TDG: variants seen among roughly 807,000 people sequenced by gnomAD.
TDG encodes the protein thymine DNA glycosylase.
Under a neutral mutation model 46.1 loss-of-function variants are expected in TDG, and 23 were observed. The observed-to-expected ratio is 0.50, with a 90% CI of 0.36 to 0.71. The LOEUF is 0.71. TDG is among the 30% of genes least tolerant of loss of function. TDG has a pLI of 0.00. For synonymous variants in TDG, 115 were observed against 161.3 expected, an observed-to-expected ratio of 0.71 and a Z score of 2.18; for missense variants, 304 against 486.7, an observed-to-expected ratio of 0.62 and a Z score of 3.53.
rs1227625061 is a variant in TDG, at chr12:103,966,133, G to T, written c.23+73G>T. On this transcript the variant is annotated intron_variant, in intron 1 of 9. Transcript: ENST00000392872. The stretch of plus-strand genomic sequence containing the variant: ...GGCAGGCTGGCTGGCGCGCGCGCGC[G>T]CACGCAGGGGTCTTTTAAATCCCGG... 5.0e-6 allele frequency: 7 copies of T among 1,404,288 alleles called. No homozygotes were observed. In the African/African-American group the frequency reaches 7.6e-5, roughly 15 times the overall value. 87.0% of individuals were successfully genotyped at this position (1,404,288 alleles called of 1,614,324 possible). A position where few individuals can be genotyped will look rare whatever the true frequency, so the allele number is the denominator to read the frequency against.
chr12:103,974,163 C>G (rs1434181663), intron 1 of TDG, among the ~76,000 whole-genome samples: 2 of 151,986 alleles, frequency 1.3e-5, no homozygotes, highest in African/African-American at 4.8e-5. Context: ...TTAAGCTTAT[C>G]CAGGAAATGC....
intron 1 of TDG, among the ~76,000 whole-genome samples, chr12:103,972,339 G>A (rs967551704): frequency 5.3e-5 from 8 of 152,106 alleles, no homozygotes; most frequent in African/African-American, 1.9e-4. Flanking sequence ...GGCCGGTCTC[G>A]AACTCCTAAC....
intron 1 of TDG, among the ~76,000 whole-genome samples, chr12:103,966,796 G>GA (rs1251308645): frequency 6.6e-6 from 1 of 152,008 alleles, no homozygotes; most frequent in East Asian, 1.9e-4. Context: ...AAATTAAAAG[G>GA]AAAAAAACCT....
intron 4 of TDG, 49 bp downstream of exon 4, chr12:103,981,011 G>C (rs1323765162): frequency 6.6e-7 from 1 of 1,526,222 alleles, no homozygotes; most frequent in African/African-American, 1.4e-5. Flanking sequence ...AGGTATCTTT[G>C]TTAACAGGTT....
At chr12:103,979,622 G>A (rs1871720444) in intron 2 of TDG, among the ~76,000 whole-genome samples, 1 of 152,118 alleles carries the variant, frequency 6.6e-6, no homozygotes, top group South Asian at 2.1e-4. Context: ...AGCTAGCAGG[G>A]GAAGGAGAGT....
chr12:103,966,129 G>GCGCGCA (rs1871002257), intron 1 of TDG, 69 bp downstream of exon 1: 7 of 1,418,202 alleles, frequency 4.9e-6, no homozygotes, highest in Admixed American at 3.0e-5. Context: ...TGGCGCGCGC[G>GCGCGCA]CGCGCACGCA....
chr12:103,980,372 A>T (rs1228219195), intron 3 of TDG: 1 of 327,800 alleles, frequency 3.1e-6, no homozygotes, highest in South Asian at 4.3e-5. Context: ...ACCCCCCGAT[A>T]GGGTTGCAAG....
intron 9 of TDG, chr12:103,986,229 A>G (rs1872151491): frequency 6.6e-6 from 1 of 152,090 alleles, no homozygotes; most frequent in Admixed American, 6.6e-5. Flanking sequence ...CCTACAGTGC[A>G]TTTTCTTTAA....
chr12:103,966,271 C>T (rs1871017641), intron 1 of TDG, among the ~76,000 whole-genome samples: 1 of 152,134 alleles, frequency 6.6e-6, no homozygotes. Flanking sequence ...TTACCTGGTG[C>T]ACCTGGACCC....
At chr12:103,973,158 C>T (rs1036284350) in intron 1 of TDG, 2 of 623,478 alleles carry the variant, frequency 3.2e-6, no homozygotes, top group African/African-American at 2.0e-5. Flanking sequence ...CATCTCGGCT[C>T]ACCACAACCT....
At chr12:103,980,812 T>C in intron 3 of TDG, 81 bp from the exon 4 acceptor site, 1 of 1,231,092 alleles carries the variant, frequency 8.1e-7, no homozygotes, top group East Asian at 2.3e-5. Flanking sequence ...CAACTCAATT[T>C]TGTCCACCAC....
intron 2 of TDG, among the ~76,000 whole-genome samples, chr12:103,978,262 A>G (rs1593513122): frequency 6.6e-6 from 1 of 151,918 alleles, no homozygotes; most frequent in South Asian, 2.1e-4. Flanking sequence ...GCATGGCAGG[A>G]TAGTGGGGGA....
chr12:103,981,073 ATTCGTGT>A, intron 4 of TDG, 111 bp downstream of exon 4: 1 of 891,316 alleles, frequency 1.1e-6, no homozygotes, highest in South Asian at 1.6e-5. Flanking sequence ...GTAAATACAC[ATTCGTGT>A]TTCATGTTCT....
In TDG at chr12:103,985,525, G is replaced by C. The variant is rs553293939; in HGVS notation, c.965-78G>C. The C allele has an allele frequency of 6.8e-6, 10 of 1,468,514 alleles. No homozygotes were observed. The South Asian group carries it at 1.3e-4, about 19-fold the overall frequency. The allele number at this position is 1,468,514 out of a possible 1,614,324, so 91.0% of individuals were successfully genotyped here. ...ATATGAATATTCAAGAAAAAGAATTGTTCATGATTTCTGAATAAAGCTACT... is the reference window on the plus strand; with the variant it reads ...ATATGAATATTCAAGAAAAAGAATTCTTCATGATTTCTGAATAAAGCTACT... On this transcript the variant is annotated intron_variant, in intron 8 of 9. Coordinates refer to ENST00000392872, the MANE Select transcript of TDG (RefSeq NM_003211.6).
At chr12:103,974,924 A>C (rs976033264) in intron 1 of TDG, among the ~76,000 whole-genome samples, 1 of 150,000 alleles carries the variant, frequency 6.7e-6, no homozygotes, top group Non-Finnish European at 1.5e-5. Flanking sequence ...GCAGTGAGCC[A>C]AGATCGCGCC....
intron 2 of TDG, 82 bp from the exon 3 acceptor site, chr12:103,979,749 T>C: frequency 6.7e-7 from 1 of 1,496,492 alleles, no homozygotes; most frequent in South Asian, 1.4e-5. Flanking sequence ...CAAAAGGTGC[T>C]AGTTGGGTAA....
intron 1 of TDG, among the ~76,000 whole-genome samples, chr12:103,973,888 T>C (rs1411695057): frequency 6.6e-6 from 1 of 152,248 alleles, no homozygotes; most frequent in East Asian, 1.9e-4. Flanking sequence ...TTTCTCATGT[T>C]AATGTATTGT....
Position 103,980,001 on chromosome 12 carries a change from G to A in TDG, c.337G>A (p.Gly113Ser), listed in dbSNP as rs761525860. Residue 113 changes from glycine (G) to serine (S), a missense_variant, in exon 3 of 10, where the codon GGT (glycine) becomes AGT (serine). Gly to Ser is a moderately conservative substitution (Grantham distance 56). Coordinates refer to ENST00000392872, the MANE Select transcript of TDG (RefSeq NM_003211.6). ...KVKRKVDRFN[G>S]VSEAELLTKT... ...AAAAAGAAAAGTAGACCGTTTTAAT[G>A]GTGTTTCAGAAGCTGAACTTCTGAC... 6 of 1,613,786 alleles carry A rather than the reference G, an allele frequency of 3.7e-6. No homozygotes were observed. In the African/African-American group the frequency reaches 5.3e-5, roughly 14 times the overall value.
intron 8 of TDG, among the ~76,000 whole-genome samples, 166 bp downstream of exon 8, chr12:103,985,086 T>C (rs1392887513): frequency 6.9e-6 from 1 of 144,746 alleles, no homozygotes; most frequent in South Asian, 2.2e-4. Context: ...TATATACACA[T>C]AAGTATGTAT....
Sources: gnomAD v4.1 joint callset for allele counts (sites outside exome capture counted in the v4.1 genomes callset) on GRCh38, gnomAD v4.1.1 for gene constraint, MANE v1.5 for transcripts, NCBI Gene and HGNC (gene_info 2026-07-23, HGNC 2026-07-21) for gene names.